The following ADAMTS18 variants were observed in gnomAD, a reference collection of about 807,000 sequenced individuals.
The protein encoded by ADAMTS18 is A disintegrin and metalloproteinase with thrombospondin motifs 18.
A neutral mutation model predicts 165.9 loss-of-function variants in ADAMTS18; 157 were observed. The observed-to-expected ratio is 0.95, with a 90% CI of 0.83 to 1.08. The LOEUF is 1.08. Among genes scored for constraint, ADAMTS18 ranks in the 50% least tolerant of loss-of-function variants. ADAMTS18 has a pLI of 0.00. For missense variants in ADAMTS18, 2,040 were observed against 1,534.0 expected (o/e 1.33, Z -5.51); for synonymous variants, 782 against 578.2 (o/e 1.35, Z -5.06).
chr16:77,338,789 T>TA (rs560820096), intron 11 of ADAMTS18, among the ~76,000 whole-genome samples: 1 of 150,884 alleles, frequency 6.6e-6, no homozygotes, highest in East Asian at 2.0e-4. Context: ...TCATCTCTAA[T>TA]AAAAAATAGA....
chr16:77,284,828 G>A (rs776453792), intron 22 of ADAMTS18, among the ~76,000 whole-genome samples: 3 of 152,030 alleles, frequency 2.0e-5, no homozygotes, highest in Non-Finnish European at 4.4e-5. Context: ...GGAGCATTAA[G>A]GGAGGGTGTG....
intron 22 of ADAMTS18, among the ~76,000 whole-genome samples, chr16:77,284,768 T>C (rs1026143427): frequency 2.6e-5 from 4 of 152,124 alleles, no homozygotes; most frequent in Non-Finnish European, 5.9e-5. Context: ...CCTAAGGATA[T>C]TGTTGTACCA....
chr16:77,285,489 AG>A (rs2055232156), intron 22 of ADAMTS18, among the ~76,000 whole-genome samples: 1 of 152,170 alleles, frequency 6.6e-6, no homozygotes, highest in African/African-American at 2.4e-5. Flanking sequence ...TGTATTTTTA[AG>A]GCACAGTTTT....
chr16:77,290,957 C>A, intron 21 of ADAMTS18: 1 of 430,240 alleles, frequency 2.3e-6, no homozygotes, highest in South Asian at 2.4e-5. Flanking sequence ...TGGTAGTTTC[C>A]GTAGCAACAG....
intron 17 of ADAMTS18, 168 bp downstream of exon 17, chr16:77,300,095 A>T: frequency 1.3e-6 from 1 of 756,938 alleles, no homozygotes; most frequent in Non-Finnish European, 2.1e-6. Context: ...CTTACCACAT[A>T]GGAAAACCCT....
intron 16 of ADAMTS18, among the ~76,000 whole-genome samples, chr16:77,311,410 T>C (rs756541487): frequency 1.3e-5 from 2 of 152,228 alleles, no homozygotes; most frequent in Non-Finnish European, 2.9e-5. Context: ...AGCTGTTGTA[T>C]GGAAAGGCCT....
chr16:77,377,577 C>T (rs2056971114), intron 3 of ADAMTS18, among the ~76,000 whole-genome samples: 1 of 152,186 alleles, frequency 6.6e-6, no homozygotes, highest in South Asian at 2.1e-4. Context: ...TATCATTATT[C>T]TGTTTTTATT....
At chr16:77,367,415 G>A (rs2056811064) in intron 4 of ADAMTS18, 26 bp downstream of exon 4, 1 of 1,613,632 alleles carries the variant, frequency 6.2e-7, no homozygotes, top group East Asian at 2.2e-5. Flanking sequence ...CATAAGAACA[G>A]AAAAAGAAAA....
intron 16 of ADAMTS18, among the ~76,000 whole-genome samples, chr16:77,316,402 G>C (rs1046024264): frequency 5.3e-5 from 8 of 152,102 alleles, no homozygotes; most frequent in Admixed American, 3.3e-4. Flanking sequence ...CTATAGGCAT[G>C]CGCCACCATA....
At chr16:77,400,768 C>T (rs954258456) in intron 3 of ADAMTS18, among the ~76,000 whole-genome samples, 1 of 151,902 alleles carries the variant, frequency 6.6e-6, no homozygotes, top group African/African-American at 2.4e-5. Flanking sequence ...CACGCCTGGC[C>T]TCTCTGTGGT....
At position 77,357,463 on chromosome 16, in the gene ADAMTS18, T is replaced by A. The variant is rs543866780; in HGVS notation, c.1323-1386A>T. Among the ~76,000 whole-genome samples the A allele has an allele frequency of 2.0e-5, 3 of 152,296 alleles. No individual in the cohort carries two copies. In the East Asian group the frequency reaches 5.8e-4, roughly 29 times the overall value. ...TTCTTCTTCTCACCTAACCAAGACG[T>A]TAAGGGGATTTCTTTGGGAGACACC... On this transcript the variant is annotated intron_variant, in intron 8 of 22. Coordinates refer to ENST00000282849, the MANE Select transcript of ADAMTS18 (RefSeq NM_199355.4).
intron 3 of ADAMTS18, among the ~76,000 whole-genome samples, chr16:77,371,218 T>TAAAAAC (rs139311207): frequency 0.25 from 37,338 of 149,570 alleles, 5,987 homozygotes; most frequent in Non-Finnish European, 0.36. Flanking sequence ...CTGACTCAAT[T>TAAAAAC]AAAAACAAAA....
At position 77,321,873 on chromosome 16, in the gene ADAMTS18, C is replaced by T. The variant is rs141786557; in HGVS notation, c.2163+463G>A. Among the ~76,000 whole-genome samples, 229 of 152,154 alleles carry T rather than the reference C, an allele frequency of 1.5e-3. 4 individuals carry two copies. The East Asian group carries it at 0.032, about 22-fold the overall frequency. Reference sequence around the variant, plus strand: ...AAATGAGGAACGTAGATATGGTGCTCGGCCAGGCGTGGTGGCTCACGCCTA... The same window carrying T: ...AAATGAGGAACGTAGATATGGTGCTTGGCCAGGCGTGGTGGCTCACGCCTA... On this transcript the variant is annotated intron_variant, in intron 14 of 22. Coordinates refer to ENST00000282849, the MANE Select transcript of ADAMTS18 (RefSeq NM_199355.4).
intron 3 of ADAMTS18, among the ~76,000 whole-genome samples, chr16:77,428,212 A>C (rs1017257028): frequency 6.6e-6 from 1 of 152,148 alleles, no homozygotes; most frequent in Non-Finnish European, 1.5e-5. Context: ...CTCTGTATTA[A>C]TAGGAGAAGG....
chr16:77,363,757 T>A, intron 6 of ADAMTS18, 45 bp downstream of exon 6: 2 of 1,568,348 alleles, frequency 1.3e-6, no homozygotes. Flanking sequence ...AAATGTATTC[T>A]GAACGGCAGA....
intron 3 of ADAMTS18, among the ~76,000 whole-genome samples, chr16:77,384,415 A>C (rs555472578): frequency 6.6e-6 from 1 of 152,294 alleles, no homozygotes; most frequent in Non-Finnish European, 1.5e-5. Flanking sequence ...AGCAGAGTTG[A>C]TGTTGTATTT....
chr16:77,372,010 G>T (rs937055381), intron 3 of ADAMTS18, among the ~76,000 whole-genome samples: 23 of 152,052 alleles, frequency 1.5e-4, no homozygotes, highest in African/African-American at 5.3e-4. Context: ...GCCAACAGGG[G>T]TATATGAAAA....
intron 12 of ADAMTS18, among the ~76,000 whole-genome samples, chr16:77,326,612 G>A (rs74589092): frequency 0.11 from 16,592 of 152,088 alleles, 1,836 homozygotes; most frequent in African/African-American, 0.28. Flanking sequence ...CAAACTCCTC[G>A]GTTCAAGTGA....
At chr16:77,389,520 G>T (rs930848721) in intron 3 of ADAMTS18, among the ~76,000 whole-genome samples, 17 of 152,144 alleles carry the variant, frequency 1.1e-4, no homozygotes. Context: ...ACTGAAGTAG[G>T]ACCTGCGAAT....
Sources: allele counts gnomAD v4.1 joint callset (sites outside exome capture counted in the v4.1 genomes callset), GRCh38; gene constraint gnomAD v4.1.1; transcripts MANE v1.5; gene names NCBI Gene and HGNC (gene_info 2026-07-23, HGNC 2026-07-21).